NELL1: variants seen among roughly 807,000 people sequenced by gnomAD.
NELL1 encodes the protein neural EGFL like 1.
Under a neutral mutation model 107.4 loss-of-function variants are expected in NELL1, and 76 were observed. That is an observed-to-expected ratio of 0.71 (90% CI 0.59 to 0.86). NELL1 has a LOEUF of 0.86. Ranked by LOEUF, NELL1 falls within the 40% of genes least tolerant of loss-of-function variation. The probability of loss-of-function intolerance (pLI) is 0.00; values close to 1 mark genes in which losing one functional copy is unlikely to be tolerated. For synonymous variants in NELL1, 353 were observed against 341.2 expected (o/e 1.03, Z -0.38); for missense variants, 1,024 against 1,005.5 (o/e 1.02, Z -0.25).
intron 14 of NELL1, among the ~76,000 whole-genome samples, chr11:21,337,828 C>CTTTCTTTCT (rs199690708): frequency 2.5e-5 from 1 of 40,248 alleles, no homozygotes; most frequent in Non-Finnish European, 5.5e-5. Flanking sequence ...TTCTTTCTTT[C>CTTTCTTTCT]TTTCTTTCTT....
chr11:21,420,797 A>G (rs954703637), intron 15 of NELL1, among the ~76,000 whole-genome samples: 2 of 152,172 alleles, frequency 1.3e-5, no homozygotes, highest in Admixed American at 6.5e-5. Context: ...GTGTAAGTGT[A>G]AGACAGTCTT....
chr11:21,229,993 T>C (rs1007294384), intron 14 of NELL1, among the ~76,000 whole-genome samples: 1 of 152,206 alleles, frequency 6.6e-6, no homozygotes, highest in East Asian at 1.9e-4. Flanking sequence ...AGCTGACACC[T>C]CTCTTTCCTC....
At chr11:20,711,098 T>A (rs1855102473) in intron 2 of NELL1, among the ~76,000 whole-genome samples, 1 of 152,144 alleles carries the variant, frequency 6.6e-6, no homozygotes, top group Admixed American at 6.5e-5. Flanking sequence ...TTTCTCTAGT[T>A]CCCTGGGGTG....
chr11:21,574,859 CCTT>C lies in NELL1; in HGVS notation c.2383-109_2383-107del, dbSNP rs1030782945. The C allele has an allele frequency of 1.2e-4, 95 of 812,584 alleles. No individual in the cohort carries two copies. In the African/African-American group the frequency reaches 1.5e-3, roughly 12 times the overall value. The allele number at this position is 812,584 out of a possible 1,614,324, so 50.3% of individuals were successfully genotyped here. On this transcript the variant is annotated intron_variant, in intron 19 of 19. Coordinates refer to ENST00000357134, the MANE Select transcript of NELL1 (RefSeq NM_006157.5). ...ATTTTTTTCTAGTCATTTTTTATAG[CCTT>C]CTTGAAGTTTGTCTCAAAATGCTGA...
intron 12 of NELL1, among the ~76,000 whole-genome samples, chr11:21,068,114 T>G (rs1853924202): frequency 6.6e-6 from 1 of 150,584 alleles, no homozygotes; most frequent in South Asian, 2.1e-4. Context: ...AAGTACATTT[T>G]TCTCATAGAT....
At chr11:21,231,558 T>C (rs887689861) in intron 14 of NELL1, among the ~76,000 whole-genome samples, 4 of 152,168 alleles carry the variant, frequency 2.6e-5, no homozygotes, top group African/African-American at 7.2e-5. Context: ...AGGAGCAACA[T>C]AGGGATTTTA....
At chr11:21,137,553 T>A (rs1254658725) in intron 13 of NELL1, among the ~76,000 whole-genome samples, 1 of 152,038 alleles carries the variant, frequency 6.6e-6, no homozygotes, top group Admixed American at 6.6e-5. Flanking sequence ...ATTTGGAGGG[T>A]TTTGGCAGTC....
intron 12 of NELL1, among the ~76,000 whole-genome samples, chr11:20,985,621 T>C (rs140044287): frequency 6.6e-6 from 1 of 152,316 alleles, no homozygotes; most frequent in Non-Finnish European, 1.5e-5. Context: ...TTTGAATCTC[T>C]AATTTTTCAG....
chr11:20,731,514 C>T (rs1845918466), intron 2 of NELL1, among the ~76,000 whole-genome samples: 1 of 152,206 alleles, frequency 6.6e-6, no homozygotes. Flanking sequence ...ATGCCTATGG[C>T]TCTGTAAGTG....
intron 17 of NELL1, among the ~76,000 whole-genome samples, chr11:21,565,166 T>C (rs1856940638): frequency 6.6e-6 from 1 of 151,896 alleles, no homozygotes. Context: ...TCTGTGGTGG[T>C]TTTGATGGTT....
intron 14 of NELL1, among the ~76,000 whole-genome samples, chr11:21,368,258 T>A (rs1190934437): frequency 6.6e-6 from 1 of 151,968 alleles, no homozygotes; most frequent in Non-Finnish European, 1.5e-5. Context: ...GAAATGTGAC[T>A]AGTCTCAGGC....
chr11:20,938,730 G>A (rs1377663782), intron 10 of NELL1, among the ~76,000 whole-genome samples: 1 of 152,114 alleles, frequency 6.6e-6, no homozygotes, highest in Non-Finnish European at 1.5e-5. Flanking sequence ...AGCAATAAAG[G>A]GAGCAGGTTT....
At chr11:21,049,012 G>A (rs1005523339) in intron 12 of NELL1, among the ~76,000 whole-genome samples, 10 of 152,180 alleles carry the variant, frequency 6.6e-5, no homozygotes, top group African/African-American at 2.4e-4. Flanking sequence ...GGAAAATAGA[G>A]AAGTTGAACT....
chr11:20,822,108 C>T (rs909269548), intron 3 of NELL1, among the ~76,000 whole-genome samples: 5 of 152,140 alleles, frequency 3.3e-5, no homozygotes, highest in Non-Finnish European at 5.9e-5. Flanking sequence ...TGGACAGGAG[C>T]AGATGATAAC....
chr11:21,320,243 CTG>C (rs1849979475), intron 14 of NELL1, among the ~76,000 whole-genome samples: 1 of 152,098 alleles, frequency 6.6e-6, no homozygotes, highest in Non-Finnish European at 1.5e-5. Flanking sequence ...GCCTGTGTCA[CTG>C]TGTATTGTTT....
chr11:21,267,854 A>G (rs1370831903), intron 14 of NELL1, among the ~76,000 whole-genome samples: 1 of 152,090 alleles, frequency 6.6e-6, no homozygotes, highest in African/African-American at 2.4e-5. Flanking sequence ...AGTTTATTTT[A>G]TCTGATATAA....
chr11:21,567,492 A>G (rs1055868184), intron 17 of NELL1, among the ~76,000 whole-genome samples: 1 of 151,818 alleles, frequency 6.6e-6, no homozygotes, highest in Non-Finnish European at 1.5e-5. Context: ...GTGTGTGTGT[A>G]TAATCTTTCA....
chr11:21,069,134 G>A (rs1001182290), intron 12 of NELL1, among the ~76,000 whole-genome samples: 2 of 152,150 alleles, frequency 1.3e-5, no homozygotes, highest in Non-Finnish European at 2.9e-5. Flanking sequence ...CGAACAGAAG[G>A]CCTTAGAATT....
At chr11:20,938,540 G>T (rs1850775982) in intron 10 of NELL1, among the ~76,000 whole-genome samples, 1 of 152,062 alleles carries the variant, frequency 6.6e-6, no homozygotes, top group Non-Finnish European at 1.5e-5. Flanking sequence ...GTTGGGGATG[G>T]GTGGACTGAG....
Sources: allele counts gnomAD v4.1 joint callset (sites outside exome capture counted in the v4.1 genomes callset), GRCh38; gene constraint gnomAD v4.1.1; transcripts MANE v1.5; gene names NCBI Gene and HGNC (gene_info 2026-07-23, HGNC 2026-07-21).